Variants in NEK4 observed in about 807,000 individuals in gnomAD.
NEK4 encodes the protein NIMA related kinase 4.
A neutral mutation model predicts 98.4 loss-of-function variants in NEK4; 86 were observed. That is an observed-to-expected ratio of 0.87 (90% CI 0.73 to 1.05). The LOEUF (loss-of-function observed/expected upper bound fraction) is 1.05, where lower values mean the gene tolerates loss of function less well. Ranked by LOEUF, NEK4 falls within the 50% of genes least tolerant of loss-of-function variation. NEK4 has a pLI of 0.00. For missense variants in NEK4, 898 were observed against 950.3 expected (o/e 0.94, Z 0.72); for synonymous variants, 328 against 342.2 (o/e 0.96, Z 0.46).
intron 6 of NEK4, chr3:52,753,795 TA>T: frequency 2.0e-6 from 1 of 505,092 alleles, no homozygotes; most frequent in South Asian, 1.5e-5. Flanking sequence ...CAGACGTTAT[TA>T]GGTGTCTATG....
intron 15 of NEK4, among the ~76,000 whole-genome samples, chr3:52,714,863 G>A (rs901562472): frequency 6.6e-6 from 1 of 152,198 alleles, no homozygotes; most frequent in African/African-American, 2.4e-5. Flanking sequence ...CTGGCCAGGT[G>A]TGCGCATGTT....
rs779886352 is a variant in NEK4 at position 52,743,438 on chromosome 3, G to C, written c.1918C>G (p.Leu640Val). Residue 640 changes from leucine to valine, a missense_variant, in exon 12 of 16, where the codon CTG becomes GTG. By Grantham distance (32) the Leu-to-Val change is conservative. Transcript: ENST00000233027. ...GGTTTTCCTGGCCCTGCTACACTCA[G>C]AGACGCTTTCCTCACTGAAGGGCCT... ...SSGPSVRKAS[L>V]SVAGPGKPQE... The C allele has an allele frequency of 1.2e-6, 2 of 1,614,106 alleles. No homozygotes were observed. Among genetic ancestry groups the C allele is most frequent in the South Asian group, 1.1e-5 (1 of 91,078 alleles).
At chr3:52,730,525 T>C (rs2154102757) in intron 15 of NEK4, among the ~76,000 whole-genome samples, 1 of 152,344 alleles carries the variant, frequency 6.6e-6, no homozygotes, top group South Asian at 2.1e-4. Flanking sequence ...TGAACATTCA[T>C]TCGAAAATCT....
chr3:52,760,741 C>A, intron 6 of NEK4, 54 bp downstream of exon 6: 1 of 1,261,830 alleles, frequency 7.9e-7, no homozygotes, highest in Non-Finnish European at 1.1e-6. Context: ...GCTTAGATGG[C>A]CCATTTTTCT....
At chr3:52,735,560 A>G (rs1013749948) in intron 15 of NEK4, among the ~76,000 whole-genome samples, 1 of 152,234 alleles carries the variant, frequency 6.6e-6, no homozygotes, top group East Asian at 1.9e-4. Context: ...GTGTTTTACG[A>G]TCTACTTACC....
At chr3:52,722,024 C>T (rs781132364) in intron 15 of NEK4, among the ~76,000 whole-genome samples, 3 of 152,162 alleles carry the variant, frequency 2.0e-5, no homozygotes, top group African/African-American at 7.2e-5. Context: ...CCTCTTTGCT[C>T]GCCCTTTCCC....
chr3:52,737,477 G>A, intron 15 of NEK4, 109 bp downstream of exon 15: 1 of 1,176,844 alleles, frequency 8.5e-7, no homozygotes, highest in South Asian at 1.3e-5. Flanking sequence ...AAAAACCACT[G>A]AATTATACAC....
At chr3:52,732,100 A>G (rs2097370330) in intron 15 of NEK4, among the ~76,000 whole-genome samples, 1 of 152,164 alleles carries the variant, frequency 6.6e-6, no homozygotes, top group African/African-American at 2.4e-5. Flanking sequence ...AAACTACCCA[A>G]TCTCAAGTAT....
At chr3:52,737,544 T>A in intron 15 of NEK4, 42 bp downstream of exon 15, 3 of 1,604,044 alleles carry the variant, frequency 1.9e-6, no homozygotes, top group Non-Finnish European at 2.6e-6. Context: ...TTTAAAAAAT[T>A]CTATAACATA....
chr3:52,768,322 T>C lies in NEK4; in HGVS notation c.360+16A>G, dbSNP rs1241453968. 3 of 1,602,902 alleles carry C rather than the reference T, an allele frequency of 1.9e-6. No individual in the cohort carries two copies. The highest frequency in any genetic ancestry group is 1.3e-5 in the African/African-American group (1 of 74,866). On this transcript the variant is annotated intron_variant, in intron 2 of 15. Coordinates refer to ENST00000233027, the MANE Select transcript of NEK4 (RefSeq NM_003157.6). ...CATCTGGGAACAAGCTAGGATGCTA[T>C]TAGTCTACACAGTACCTGCAAAGCC...
intron 1 of NEK4, among the ~76,000 whole-genome samples, chr3:52,769,218 T>G (rs536656453): frequency 2.1e-4 from 32 of 151,874 alleles, no homozygotes; most frequent in African/African-American, 6.8e-4. Flanking sequence ...CAAGACTCTG[T>G]CTCAAAAAAA....
At chr3:52,743,237 T>C (rs2097389723) in intron 12 of NEK4, 115 bp downstream of exon 12, 2 of 732,546 alleles carry the variant, frequency 2.7e-6, no homozygotes, top group Non-Finnish European at 4.8e-6. Flanking sequence ...AGTGAAAAGA[T>C]ATAACAAGCT....
intron 2 of NEK4, among the ~76,000 whole-genome samples, chr3:52,767,432 C>G (rs1698607177): frequency 6.6e-6 from 1 of 151,890 alleles, no homozygotes; most frequent in African/African-American, 2.4e-5. Context: ...AGTATCTCAG[C>G]CGGGCGTGGT....
chr3:52,716,574 TTAA>T (rs2097355330), intron 15 of NEK4, among the ~76,000 whole-genome samples: 1 of 152,212 alleles, frequency 6.6e-6, no homozygotes, highest in South Asian at 2.1e-4. Flanking sequence ...AGCAACCCTA[TTAA>T]CTGAGACCAA....
Position 52,752,229 on chromosome 3 carries a change from T to C in NEK4, c.1071A>G (p.Thr357=), listed in dbSNP as rs80074095. The change falls in exon 7 of 16, where the codon ACA becomes ACG. Residue 357 remains threonine (T), a synonymous_variant. Transcript: ENST00000233027. ...TTACGCTACTGATTGTGGCTAGTTC[T>C]GTGGTATTGCTCAAGTCCTGTTTGC... ...HTCKQDLSNT[T]ELATISSVNI... The C allele has an allele frequency of 6.2e-7, 1 of 1,614,226 alleles. No individual in the cohort carries two copies. Among genetic ancestry groups the C allele is most frequent in the South Asian group, 1.1e-5 (1 of 91,086 alleles).
intron 4 of NEK4, among the ~76,000 whole-genome samples, chr3:52,765,220 ATG>A (rs1211401638): frequency 6.6e-6 from 1 of 151,960 alleles, no homozygotes; most frequent in African/African-American, 2.4e-5. Flanking sequence ...GCCTGGCAGC[ATG>A]TGCCTGTAAT....
rs183994852 is a variant in NEK4 at position 52,729,418 on chromosome 3, A to T, written c.2433+8168T>A. On this transcript the variant is annotated intron_variant, in intron 15 of 15. Coordinates refer to ENST00000233027, the MANE Select transcript of NEK4 (RefSeq NM_003157.6). ...AAGCCTGTTTCAAATATTTTAAATTAAAAAAAAAGGGCGGGCACGGTGGCT... is the reference window on the plus strand; with the variant it reads ...AAGCCTGTTTCAAATATTTTAAATTTAAAAAAAAGGGCGGGCACGGTGGCT... Among the ~76,000 whole-genome samples, 67 of 151,082 alleles carry T rather than the reference A, an allele frequency of 4.4e-4. 1 individual carries two copies. The East Asian group carries it at 0.011, about 25-fold the overall frequency.
At position 52,766,321 on chromosome 3, in the gene NEK4, G is replaced by A; in HGVS notation, c.415C>T (p.Leu139=). The change falls in exon 3 of 16, where the codon CTA becomes TTA. Residue 139 remains leucine, a synonymous_variant. Transcript: ENST00000233027. ...HRDLKTQNVF[L]TRTNIIKVGD... is the part of the protein sequence containing the mutation. Reference sequence around the variant, plus strand: ...ACTTTGATGATGTTTGTTCTTGTTAGGAAGACATTTTGAGTTTTCAGATCT... The same window carrying A: ...ACTTTGATGATGTTTGTTCTTGTTAAGAAGACATTTTGAGTTTTCAGATCT... 5 of 1,614,020 alleles carry A rather than the reference G, an allele frequency of 3.1e-6. No homozygotes were observed. Among genetic ancestry groups the A allele is most frequent in the Non-Finnish European group, 4.2e-6 (5 of 1,179,924 alleles).
Position 52,770,835 on chromosome 3 carries a change from G to A in NEK4, c.-89C>T, listed in dbSNP as rs1335242256. 7 of 1,116,546 alleles carry A rather than the reference G, an allele frequency of 6.3e-6. No individual in the cohort carries two copies. Among genetic ancestry groups the A allele is most frequent in the South Asian group, 1.3e-5 (1 of 75,474 alleles). The allele number at this position is 1,116,546 out of a possible 1,614,324, so 69.2% of individuals were successfully genotyped here. A position where few individuals can be genotyped will look rare whatever the true frequency, so the allele number is the denominator to read the frequency against. ...CAAGAAGCTCGGTTCATGCCCGAGAGGGGGCAGTGGGGGCGGCTGTTGAGG... is the reference window on the plus strand; with the variant it reads ...CAAGAAGCTCGGTTCATGCCCGAGAAGGGGCAGTGGGGGCGGCTGTTGAGG... On this transcript the variant is annotated 5_prime_UTR_variant, in exon 1 of 16. Transcript: ENST00000233027.
Sources: allele counts gnomAD v4.1 joint callset (sites outside exome capture counted in the v4.1 genomes callset), GRCh38; gene constraint gnomAD v4.1.1; transcripts MANE v1.5; gene names NCBI Gene and HGNC (gene_info 2026-07-23, HGNC 2026-07-21).